The following GTF3C1 variants were observed in gnomAD, a reference collection of about 807,000 sequenced individuals.
The protein encoded by GTF3C1 is general transcription factor IIIC subunit 1.
In GTF3C1, 57 loss-of-function variants were observed where a neutral mutation model predicts 226.7. That is an observed-to-expected ratio of 0.25 (90% CI 0.20 to 0.31). The LOEUF is 0.31. Ranked by LOEUF, GTF3C1 falls within the 10% of genes least tolerant of loss-of-function variation. The pLI is 1.00. For missense variants in GTF3C1, 2,217 were observed against 2,776.1 expected, an observed-to-expected ratio of 0.80 and a Z score of 4.53; for synonymous variants, 1,090 against 1,084.8, an observed-to-expected ratio of 1.00 and a Z score of -0.09.
In GTF3C1 at chr16:27,463,587, T is replaced by C; in HGVS notation, c.5878A>G (p.Thr1960Ala). ...ATGTTGGCAGCTCCGAAACTCTCTG[T>C]GAACCCTGAGGGAAGAGGAAGAGAA... ...PEGSEDPRGF[T>A]ESFGAANISQ... The change falls in exon 35 of 37, where the codon ACA (threonine) becomes GCA (alanine). Residue 1960 changes from threonine to alanine, a missense_variant. Coordinates refer to ENST00000356183, the MANE Select transcript of GTF3C1 (RefSeq NM_001520.4). This position sits in a 1 kb window ranked among gnomAD's most constrained non-coding sequence, Gnocchi z 4.9. 1 of 1,595,914 alleles carries C rather than the reference T, an allele frequency of 6.3e-7. No homozygotes were observed. The highest frequency in any genetic ancestry group is 8.6e-7 in the Non-Finnish European group (1 of 1,163,480).
At chr16:27,527,225 A>G (rs1038257203) in intron 6 of GTF3C1, among the ~76,000 whole-genome samples, 19 of 152,214 alleles carry the variant, frequency 1.2e-4, no homozygotes, top group Non-Finnish European at 2.6e-4. Flanking sequence ...AATATAACAG[A>G]GGCTGGAATG....
intron 12 of GTF3C1, among the ~76,000 whole-genome samples, 178 bp from the exon 13 acceptor site, chr16:27,498,911 G>A (rs557100977): frequency 1.8e-4 from 28 of 152,280 alleles, no homozygotes; most frequent in African/African-American, 5.8e-4. Flanking sequence ...AGCTACTGGC[G>A]GCAAAATTCC....
Position 27,470,937 on chromosome 16 carries a change from G to A in GTF3C1, c.4527-542C>T, listed in dbSNP as rs183668671. ...GCCCTCGGTTCAGATGGGGACATGC[G>A]GTCAGAGCAGTGTCTCCGTGACAAA... is the stretch of plus-strand genomic sequence containing the variant. On this transcript the variant is annotated intron_variant, in intron 30 of 36. Coordinates refer to ENST00000356183, the MANE Select transcript of GTF3C1 (RefSeq NM_001520.4). This position sits in a 1 kb window ranked among gnomAD's most constrained non-coding sequence, Gnocchi z 4.9. 1.3e-5 allele frequency among the ~76,000 whole-genome samples: 2 copies of A among 152,210 alleles called. No individual in the cohort carries two copies. Among genetic ancestry groups the A allele is most frequent in the East Asian group, 1.9e-4 (1 of 5,196 alleles).
intron 21 of GTF3C1, 79 bp from the exon 22 acceptor site, chr16:27,488,714 G>C: frequency 8.3e-7 from 1 of 1,204,018 alleles, no homozygotes; most frequent in East Asian, 2.3e-5. Flanking sequence ...AATGCACCGA[G>C]GTCTCTTAGG....
In GTF3C1 at chr16:27,505,877, C is replaced by A. The variant is rs1286286277; in HGVS notation, c.1770+22G>T. The A allele has an allele frequency of 3.8e-6, 5 of 1,301,096 alleles. No homozygotes were observed. In the South Asian group the frequency reaches 5.9e-5, roughly 15 times the overall value. 80.6% of individuals were successfully genotyped at this position (1,301,096 alleles called of 1,614,324 possible). On this transcript the variant is annotated intron_variant, in intron 10 of 36. Transcript: ENST00000356183. ...CACAGACTCCTTCTTGGAGACAGCTCCCTCCCTCTGCATGCACTGACCTTT... is the reference window on the plus strand; with the variant it reads ...CACAGACTCCTTCTTGGAGACAGCTACCTCCCTCTGCATGCACTGACCTTT...
chr16:27,511,621 G>T, intron 7 of GTF3C1, 128 bp downstream of exon 7: 2 of 966,974 alleles, frequency 2.1e-6, no homozygotes, highest in Non-Finnish European at 3.1e-6. Context: ...AACCCTTCTG[G>T]GGAACCAAGG....
At chr16:27,483,844 G>C (rs1230052117) in intron 25 of GTF3C1, among the ~76,000 whole-genome samples, 1 of 152,180 alleles carries the variant, frequency 6.6e-6, no homozygotes, top group East Asian at 1.9e-4. Context: ...GAGCTCTCAG[G>C]AACTGCTCTG....
In GTF3C1 at chr16:27,495,363, CTGA is replaced by C; in HGVS notation, c.2477_2479del (p.Ile826del). 1 of 1,614,200 alleles carries C rather than the reference CTGA, an allele frequency of 6.2e-7. No homozygotes were observed. The highest frequency in any genetic ancestry group is 8.5e-7 in the Non-Finnish European group (1 of 1,180,014). ...CTCCTGCTTTATCGTTCTCCGTTCA[CTGA>C]TGAAGCTTGGCTTCTCCACGGTGTT... On this transcript the variant is annotated inframe_deletion, in exon 15 of 37. Coordinates refer to ENST00000356183, the MANE Select transcript of GTF3C1 (RefSeq NM_001520.4).
intron 4 of GTF3C1, among the ~76,000 whole-genome samples, chr16:27,537,470 T>C (rs1437765949): frequency 6.6e-6 from 1 of 152,210 alleles, no homozygotes; most frequent in Non-Finnish European, 1.5e-5. Flanking sequence ...AGTATAGCAG[T>C]GCAGTCATGG....
chr16:27,511,956 G>A (rs2088579667), intron 6 of GTF3C1, 55 bp from the exon 7 acceptor site: 2 of 1,589,566 alleles, frequency 1.3e-6, no homozygotes, highest in Middle Eastern at 3.8e-4. Flanking sequence ...GCTGCGTGGG[G>A]GAGGTGAGGG....
chr16:27,511,704 A>G, intron 7 of GTF3C1, 45 bp downstream of exon 7: 1 of 1,604,074 alleles, frequency 6.2e-7, no homozygotes, highest in East Asian at 2.2e-5. Context: ...TCTTGACTCA[A>G]ATTCTCGGGA....
Position 27,469,547 on chromosome 16 carries a change from C to G in GTF3C1, c.4818G>C (p.Leu1606Phe), listed in dbSNP as rs767220060. Residue 1606 changes from leucine (L) to phenylalanine (F), a missense_variant, in exon 32 of 37, where the codon TTG becomes TTC. By Grantham distance (22) the Leu-to-Phe change is conservative. Coordinates refer to ENST00000356183, the MANE Select transcript of GTF3C1 (RefSeq NM_001520.4). This position sits in a 1 kb window ranked among gnomAD's most constrained non-coding sequence, Gnocchi z 4.5. Reference protein sequence around the residue: ...SMVENEVIKSLGKDGSLEDDE... With the variant: ...SMVENEVIKSFGKDGSLEDDE... The stretch of plus-strand genomic sequence containing the variant: ...CATCCTCCAGGCTGCCGTCCTTCCC[C>G]AAGCTAGAAGGGAATTGTGACCTGG... 3.7e-6 allele frequency: 6 copies of G among 1,609,312 alleles called. No homozygotes were observed. Among genetic ancestry groups the G allele is most frequent in the Admixed American group, 3.3e-5 (2 of 59,912 alleles).
At chr16:27,546,410 TACA>T (rs1265347552) in intron 1 of GTF3C1, among the ~76,000 whole-genome samples, 1 of 150,218 alleles carries the variant, frequency 6.7e-6, no homozygotes, top group East Asian at 2.0e-4. Flanking sequence ...ATGTGCCTCT[TACA>T]ACACCATGGA....
chr16:27,478,915 T>C (rs1469200850), intron 27 of GTF3C1, among the ~76,000 whole-genome samples: 1 of 150,348 alleles, frequency 6.7e-6, no homozygotes, highest in African/African-American at 2.5e-5. Context: ...AAAATTATTC[T>C]CATAGAAGAA....
chr16:27,538,736 C>A (rs908314323), intron 2 of GTF3C1, among the ~76,000 whole-genome samples: 1 of 152,158 alleles, frequency 6.6e-6, no homozygotes, highest in African/African-American at 2.4e-5. Context: ...CCACAGGAGG[C>A]TTCCTGTTCC....
In GTF3C1 at chr16:27,462,184, G is replaced by T; in HGVS notation, c.6117+110C>A. On this transcript the variant is annotated intron_variant, in intron 36 of 36. Transcript: ENST00000356183. The surrounding 1 kb of genome is among the most constrained non-coding windows in gnomAD (Gnocchi z 4.5). ...GGACAAGCTGGGGGAGGAGGTGCAGGCAAGCAGTATGGTGGTACTGCATGT... is the reference window on the plus strand; with the variant it reads ...GGACAAGCTGGGGGAGGAGGTGCAGTCAAGCAGTATGGTGGTACTGCATGT... 1 of 730,180 alleles carries T rather than the reference G, an allele frequency of 1.4e-6. No individual in the cohort carries two copies. Among genetic ancestry groups the T allele is most frequent in the Non-Finnish European group, 2.3e-6 (1 of 441,176 alleles). 45.2% of individuals were successfully genotyped at this position (730,180 alleles called of 1,614,324 possible). A position where few individuals can be genotyped will look rare whatever the true frequency, so the allele number is the denominator to read the frequency against.
intron 12 of GTF3C1, 95 bp from the exon 13 acceptor site, chr16:27,498,828 T>C (rs2088360635): frequency 1.3e-6 from 1 of 742,966 alleles, no homozygotes; most frequent in South Asian, 1.4e-5. Flanking sequence ...CAGTCATACC[T>C]GTTTTCATTA....
chr16:27,541,822 C>G (rs977639721), intron 2 of GTF3C1, among the ~76,000 whole-genome samples: 3 of 152,060 alleles, frequency 2.0e-5, no homozygotes, highest in African/African-American at 7.2e-5. Context: ...CTGCCGGGAC[C>G]CAATCAGGAG....
chr16:27,531,114 G>C (rs1260210132), intron 5 of GTF3C1, among the ~76,000 whole-genome samples: 2 of 152,100 alleles, frequency 1.3e-5, no homozygotes, highest in Non-Finnish European at 2.9e-5. Context: ...CGAGTAGCTG[G>C]ACTGGTGCAT....
Sources: gnomAD v4.1 joint callset for allele counts (sites outside exome capture counted in the v4.1 genomes callset) on GRCh38, gnomAD v4.1.1 for gene constraint, Gnocchi (gnomAD v3.1) non-coding constraint, MANE v1.5 for transcripts, NCBI Gene and HGNC (gene_info 2026-07-23, HGNC 2026-07-21) for gene names.